LPP: variants seen among roughly 807,000 people sequenced by gnomAD.
LPP encodes the protein lipoma-preferred partner.
Under a neutral mutation model 60.4 loss-of-function variants are expected in LPP, and 38 were observed. The observed-to-expected ratio is 0.63, with a 90% confidence interval of 0.49 to 0.83. The LOEUF is 0.83. LPP is among the 40% of genes least tolerant of loss of function. The pLI, the probability that LPP is intolerant of heterozygous loss-of-function variation, is 0.00. For synonymous variants in LPP, 328 were observed against 290.8 expected, an observed-to-expected ratio of 1.13 and a Z score of -1.30; for missense variants, 902 against 783.6, an observed-to-expected ratio of 1.15 and a Z score of -1.80.
At chr3:188,226,561 A>T (rs976048673) in intron 2 of LPP, among the ~76,000 whole-genome samples, 2 of 152,172 alleles carry the variant, frequency 1.3e-5, no homozygotes, top group African/African-American at 4.8e-5. Flanking sequence ...AAGAATCAAC[A>T]GTGTGGAATA....
At position 188,202,578 on chromosome 3, in the gene LPP, G is replaced by T. The variant is rs556930191; in HGVS notation, c.-189-22827G>T. On this transcript the variant is annotated intron_variant, in intron 1 of 11. Coordinates refer to ENST00000617246, the MANE Select transcript of LPP (RefSeq NM_001375462.1). Reference sequence around the variant, plus strand: ...CCAGCAATTTGCTGACAAGGTTCACGCGCTATGACCATGACTGCAGTTGAT... The same window carrying T: ...CCAGCAATTTGCTGACAAGGTTCACTCGCTATGACCATGACTGCAGTTGAT... Among the ~76,000 whole-genome samples the T allele has an allele frequency of 2.0e-4, 31 of 152,280 alleles. No homozygotes were observed. The Middle Eastern group carries it at 0.02, about 100-fold the overall frequency.
At chr3:188,297,609 G>A (rs1351710876) in intron 2 of LPP, among the ~76,000 whole-genome samples, 2 of 152,168 alleles carry the variant, frequency 1.3e-5, no homozygotes, top group Admixed American at 1.3e-4. Flanking sequence ...AAGCTGAACA[G>A]CTATCTTGGT....
intron 1 of LPP, among the ~76,000 whole-genome samples, chr3:188,156,574 C>T (rs2148655411): frequency 6.6e-6 from 1 of 152,256 alleles, no homozygotes; most frequent in East Asian, 1.9e-4. Flanking sequence ...TGGCTCAAGC[C>T]TGTAATGCCA....
At chr3:188,296,365 A>G (rs1747885534) in intron 2 of LPP, among the ~76,000 whole-genome samples, 1 of 152,138 alleles carries the variant, frequency 6.6e-6, no homozygotes, top group Non-Finnish European at 1.5e-5. Context: ...CCCGTCTGAG[A>G]AGGCTGGAGG....
At chr3:188,309,097 T>G (rs2150240646) in intron 2 of LPP, among the ~76,000 whole-genome samples, 1 of 148,434 alleles carries the variant, frequency 6.7e-6, no homozygotes, top group Middle Eastern at 3.4e-3. Flanking sequence ...TCCCTGCTCC[T>G]GCATCCTCTG....
intron 7 of LPP, among the ~76,000 whole-genome samples, chr3:188,688,052 C>G (rs991439024): frequency 1.3e-5 from 2 of 152,132 alleles, no homozygotes; most frequent in African/African-American, 4.8e-5. Flanking sequence ...CCAGGCACCA[C>G]GGCAGAAGAA....
intron 2 of LPP, among the ~76,000 whole-genome samples, chr3:188,263,919 A>G (rs1207803185): frequency 6.6e-6 from 1 of 152,188 alleles, no homozygotes; most frequent in African/African-American, 2.4e-5. Flanking sequence ...TGTTCAAGTG[A>G]ATCCTCACTG....
chr3:188,442,414 G>A (rs1398643742), intron 4 of LPP, among the ~76,000 whole-genome samples: 1 of 152,138 alleles, frequency 6.6e-6, no homozygotes, highest in East Asian at 1.9e-4. Flanking sequence ...ACTAAAAGGA[G>A]CCTTTTAAGT....
intron 1 of LPP, among the ~76,000 whole-genome samples, chr3:188,170,497 A>AT (rs946721139): frequency 9.2e-5 from 14 of 151,400 alleles, no homozygotes; most frequent in African/African-American, 3.4e-4. Context: ...TGCCCAGCTA[A>AT]TTTTTTTGTA....
Position 188,163,099 on chromosome 3 carries a change from A to G in LPP, c.-190+8847A>G, listed in dbSNP as rs149091384. On this transcript the variant is annotated intron_variant, in intron 1 of 11. Transcript: ENST00000617246. The stretch of plus-strand genomic sequence containing the variant: ...GTGCAGTGTCCCTTCTTCCACTGCC[A>G]CCATCCCACCTTCTCTTGGGTTTTG... 6.5e-3 allele frequency among the ~76,000 whole-genome samples: 993 copies of G among 152,248 alleles called. 15 individuals carry two copies. Among genetic ancestry groups the G allele is most frequent in the South Asian group, 0.046 (223 of 4,824 alleles).
At chr3:188,704,690 A>G (rs1373302346) in intron 7 of LPP, among the ~76,000 whole-genome samples, 1 of 152,156 alleles carries the variant, frequency 6.6e-6, no homozygotes, top group Non-Finnish European at 1.5e-5. Flanking sequence ...ACATGCAAAT[A>G]TATTCCCCGT....
intron 8 of LPP, among the ~76,000 whole-genome samples, chr3:188,714,223 C>G (rs1712851370): frequency 6.6e-6 from 1 of 152,134 alleles, no homozygotes; most frequent in Non-Finnish European, 1.5e-5. Flanking sequence ...GCTGTTCCTG[C>G]TGAATGTTAG....
intron 4 of LPP, among the ~76,000 whole-genome samples, chr3:188,422,775 C>G (rs1788142534): frequency 6.6e-6 from 1 of 152,122 alleles, no homozygotes; most frequent in Admixed American, 6.6e-5. Context: ...CTTCCTCCCT[C>G]GTGTGCACAT....
chr3:188,822,267 A>G (rs775102299), intron 9 of LPP, among the ~76,000 whole-genome samples: 1 of 151,952 alleles, frequency 6.6e-6, no homozygotes, highest in Admixed American at 6.6e-5. Flanking sequence ...AGCATGTAAA[A>G]ACTCTCTTCT....
chr3:188,190,755 G>A (rs1727936233), intron 1 of LPP, among the ~76,000 whole-genome samples: 2 of 152,202 alleles, frequency 1.3e-5, no homozygotes, highest in South Asian at 4.1e-4. Context: ...GAAACCAACA[G>A]CTCTAGAGTA....
intron 2 of LPP, among the ~76,000 whole-genome samples, chr3:188,231,716 C>A (rs555711732): frequency 6.6e-6 from 1 of 152,080 alleles, no homozygotes; most frequent in Admixed American, 6.5e-5. Flanking sequence ...TCCACACAGT[C>A]TCTGCTGCAT....
intron 1 of LPP, among the ~76,000 whole-genome samples, chr3:188,205,660 C>T (rs1412015065): frequency 6.6e-6 from 1 of 152,130 alleles, no homozygotes; most frequent in Non-Finnish European, 1.5e-5. Context: ...CATGTGTTGC[C>T]CATCCCACTG....
chr3:188,155,647 T>C (rs1209696324), intron 1 of LPP, among the ~76,000 whole-genome samples: 4 of 152,112 alleles, frequency 2.6e-5, no homozygotes, highest in Non-Finnish European at 1.5e-5. Context: ...GGACATCCAA[T>C]ATGGTTTTCT....
chr3:188,343,873 A>C (rs974886939), intron 3 of LPP, among the ~76,000 whole-genome samples: 1 of 152,214 alleles, frequency 6.6e-6, no homozygotes, highest in Non-Finnish European at 1.5e-5. Context: ...TGAAGAAAGA[A>C]TAACAGTTTC....
Sources: allele counts gnomAD v4.1 joint callset (sites outside exome capture counted in the v4.1 genomes callset), GRCh38; gene constraint gnomAD v4.1.1; transcripts MANE v1.5; gene names NCBI Gene and HGNC (gene_info 2026-07-23, HGNC 2026-07-21).